Variants in IQGAP1 observed in about 807,000 individuals in gnomAD.
IQGAP1 encodes the protein ras GTPase-activating-like protein IQGAP1.
A neutral mutation model predicts 215.6 loss-of-function variants in IQGAP1; 66 were observed. The ratio of observed to expected loss-of-function variants is 0.31; its 90% CI spans 0.25 to 0.38. IQGAP1 has a LOEUF of 0.38. Among genes scored for constraint, IQGAP1 ranks in the 10% least tolerant of loss-of-function variants. The probability of loss-of-function intolerance (pLI) is 1.00; values close to 1 mark genes in which losing one functional copy is unlikely to be tolerated. For synonymous variants in IQGAP1, 772 were observed against 728.7 expected (o/e 1.06, Z -0.96); for missense variants, 1,712 against 1,997.1 (o/e 0.86, Z 2.72).
Position 90,456,140 on chromosome 15 carries a change from CTTTATA to C in IQGAP1, c.1613-7_1613-2del, listed in dbSNP as rs1337675370. On this transcript the variant is annotated splice_polypyrimidine_tract_variant and splice_region_variant and intron_variant, in intron 14 of 37. Transcript: ENST00000268182. ...ATTAGAAAAAAAAAACTTTCTGTCT[CTTTATA>C]TTTAGGGATTTTAGCCATTGGTTTA... The C allele has an allele frequency of 1.2e-6, 2 of 1,607,772 alleles. No individual in the cohort carries two copies. The highest frequency in any genetic ancestry group is 1.3e-5 in the African/African-American group (1 of 74,560).
chr15:90,446,684 A>T (rs1278241499), intron 9 of IQGAP1, among the ~76,000 whole-genome samples: 1 of 152,234 alleles, frequency 6.6e-6, no homozygotes, highest in Non-Finnish European at 1.5e-5. Flanking sequence ...TAATGTAATT[A>T]TAGATAAGAT....
intron 14 of IQGAP1, among the ~76,000 whole-genome samples, chr15:90,455,061 C>T (rs1356554891): frequency 1.3e-5 from 2 of 152,128 alleles, no homozygotes; most frequent in African/African-American, 4.8e-5. Context: ...ATATGTAAAT[C>T]AGGATCAGCT....
In IQGAP1 at chr15:90,487,094, G is replaced by C; in HGVS notation, c.4160+5G>C. 6.2e-7 allele frequency: 1 copy of C among 1,613,812 alleles called. No individual in the cohort carries two copies. The highest frequency in any genetic ancestry group is 8.5e-7 in the Non-Finnish European group (1 of 1,179,864). ...TGCTCGAACCATCTTACTGAAGTGA[G>C]TATCAAAAGAAGGAAGAATGAAATG... On this transcript the variant is annotated splice_donor_5th_base_variant and intron_variant, in intron 32 of 37. Transcript: ENST00000268182.
At chr15:90,398,660 T>G (rs908007103) in intron 2 of IQGAP1, among the ~76,000 whole-genome samples, 4 of 152,108 alleles carry the variant, frequency 2.6e-5, no homozygotes, top group African/African-American at 9.7e-5. Context: ...TGATGTTAGC[T>G]TACAGTTGGA....
In IQGAP1 at chr15:90,472,409, A is replaced by G. The variant is rs535575189; in HGVS notation, c.2179-431A>G. On this transcript the variant is annotated intron_variant, in intron 18 of 37. Transcript: ENST00000268182. ...CATTTGCAATCTGCCTGGAGAAGCA[A>G]TTTTCAGTCCTCACCTCTGGTCTCT... Among the ~76,000 whole-genome samples, 3 of 152,034 alleles carry G rather than the reference A, an allele frequency of 2.0e-5. No homozygotes were observed. In the South Asian group the frequency reaches 6.2e-4, roughly 32 times the overall value.
rs749378834 is a variant in IQGAP1 at position 90,482,002 on chromosome 15, T to C, written c.3372T>C (p.His1124=). 9.9e-6 allele frequency: 16 copies of C among 1,614,048 alleles called. No individual in the cohort carries two copies. The East Asian group carries it at 2.9e-4, about 29-fold the overall frequency. The part of the protein sequence containing the change: ...YDVTPEQALA[H]EEVKTRLDSS... Reference sequence around the variant, plus strand: ...TGACCCCTGAGCAGGCGCTAGCTCATGAAGAAGTGAAGACACGGCTAGACA... The same window carrying C: ...TGACCCCTGAGCAGGCGCTAGCTCACGAAGAAGTGAAGACACGGCTAGACA... Residue 1124 remains histidine (H), a synonymous_variant, in exon 27 of 38, where the codon CAT becomes CAC. Transcript: ENST00000268182.
chr15:90,493,888 T>A (rs985459186), intron 35 of IQGAP1: 1 of 152,278 alleles, frequency 6.6e-6, no homozygotes, highest in Non-Finnish European at 1.5e-5. Flanking sequence ...CAGAATGAAC[T>A]GTTTCTCCAA....
intron 23 of IQGAP1, 34 bp from the exon 24 acceptor site, chr15:90,476,629 G>A: frequency 6.6e-7 from 1 of 1,511,712 alleles, no homozygotes; most frequent in Non-Finnish European, 8.9e-7. Flanking sequence ...ATCTTTGAAA[G>A]CTTTCTGATC....
At chr15:90,402,629 A>G (rs943579311) in intron 2 of IQGAP1, among the ~76,000 whole-genome samples, 3 of 152,214 alleles carry the variant, frequency 2.0e-5, no homozygotes, top group African/African-American at 4.8e-5. Context: ...CATAAGGTTA[A>G]AAAGTGTCAG....
chr15:90,496,962 G>T, intron 36 of IQGAP1: 1 of 261,240 alleles, frequency 3.8e-6, no homozygotes, highest in Non-Finnish European at 7.2e-6. Context: ...CCCTTCACAC[G>T]CCACTTGTGG....
intron 33 of IQGAP1, among the ~76,000 whole-genome samples, chr15:90,487,932 G>A (rs1370181083): frequency 6.6e-6 from 1 of 152,124 alleles, no homozygotes; most frequent in African/African-American, 2.4e-5. Flanking sequence ...ATAAAATGGT[G>A]TAGTATTTGG....
chr15:90,423,040 C>G (rs1433525518), intron 2 of IQGAP1, among the ~76,000 whole-genome samples: 2 of 151,966 alleles, frequency 1.3e-5, no homozygotes, highest in East Asian at 3.9e-4. Flanking sequence ...GGGATTTTCC[C>G]TAGAAGTGCA....
At chr15:90,452,080 G>A (rs552156897) in intron 11 of IQGAP1, among the ~76,000 whole-genome samples, 2 of 152,074 alleles carry the variant, frequency 1.3e-5, no homozygotes, top group Non-Finnish European at 2.9e-5. Flanking sequence ...CACCTGCCTT[G>A]GCCTCCCAAA....
In IQGAP1 at chr15:90,474,123, C is replaced by T. The variant is rs1232649459; in HGVS notation, c.2565C>T (p.Tyr855=). ...GGGCAAACAAAGCTCGGGATGACTACAAGACTCTCAGTGAGTAACTGGCTC... is the reference window on the plus strand; with the variant it reads ...GGGCAAACAAAGCTCGGGATGACTATAAGACTCTCAGTGAGTAACTGGCTC... ...FIRANKARDD[Y]KTLINAEDPP... The change falls in exon 22 of 38, where the codon TAC becomes TAT. Residue 855 remains tyrosine (Y), a synonymous_variant. Transcript: ENST00000268182. The T allele has an allele frequency of 1.2e-6, 2 of 1,611,658 alleles. No individual in the cohort carries two copies. Among genetic ancestry groups the T allele is most frequent in the Non-Finnish European group, 1.7e-6 (2 of 1,178,880 alleles).
At chr15:90,435,821 T>C (rs1480111705) in intron 5 of IQGAP1, among the ~76,000 whole-genome samples, 1 of 152,172 alleles carries the variant, frequency 6.6e-6, no homozygotes, top group African/African-American at 2.4e-5. Flanking sequence ...AGAAAGTATA[T>C]ATAGAGCAGT....
intron 2 of IQGAP1, among the ~76,000 whole-genome samples, chr15:90,420,620 T>G (rs756169092): frequency 3.0e-4 from 45 of 152,240 alleles, no homozygotes; most frequent in Admixed American, 2.2e-3. Context: ...CTGAAAGATC[T>G]TTAATGAGCC....
intron 2 of IQGAP1, among the ~76,000 whole-genome samples, chr15:90,409,517 C>T (rs983432701): frequency 3.3e-5 from 5 of 152,124 alleles, no homozygotes; most frequent in Admixed American, 1.3e-4. Context: ...GGATTACAGA[C>T]GTGAGCCACT....
At chr15:90,416,518 C>A (rs1965050806) in intron 2 of IQGAP1, among the ~76,000 whole-genome samples, 1 of 152,102 alleles carries the variant, frequency 6.6e-6, no homozygotes, top group South Asian at 2.1e-4. Context: ...TACAGTCCCT[C>A]CAGCAGTGTA....
At position 90,474,586 on chromosome 15, in the gene IQGAP1, C is replaced by A; in HGVS notation, c.2677C>A (p.Arg893=). ...GGAGGAGCTTGACCTTATGAAGATG[C>A]GGGAAGAGGTTATCACCCTCATTCG... The part of the protein sequence containing the change: ...FQEELDLMKM[R]EEVITLIRSN... Residue 893 remains arginine, a synonymous_variant, in exon 23 of 38, where the codon CGG becomes AGG. Transcript: ENST00000268182. The A allele has an allele frequency of 6.2e-7, 1 of 1,613,752 alleles. No individual in the cohort carries two copies. Among genetic ancestry groups the A allele is most frequent in the South Asian group, 1.1e-5 (1 of 91,066 alleles).
Sources: gnomAD v4.1 joint callset for allele counts (sites outside exome capture counted in the v4.1 genomes callset) on GRCh38, gnomAD v4.1.1 for gene constraint, MANE v1.5 for transcripts, NCBI Gene and HGNC (gene_info 2026-07-23, HGNC 2026-07-21) for gene names.